The following MAPK10 variants were observed in gnomAD, a reference collection of about 807,000 sequenced individuals.
The protein encoded by MAPK10 is mitogen-activated protein kinase 10.
In MAPK10, 25 loss-of-function variants were observed where a neutral mutation model predicts 59.3. The observed-to-expected ratio is 0.42, with a 90% CI of 0.31 to 0.59. MAPK10 has a LOEUF of 0.59. Among genes scored for constraint, MAPK10 ranks in the 20% least tolerant of loss-of-function variants. The pLI, the probability that MAPK10 is intolerant of heterozygous loss-of-function variation, is 0.15. For synonymous variants in MAPK10, 190 were observed against 200.5 expected (o/e 0.95, Z 0.44); for missense variants, 351 against 568.9 (o/e 0.62, Z 3.90).
chr4:86,519,494 C>G (rs937964365), intron 1 of MAPK10, among the ~76,000 whole-genome samples: 4 of 152,086 alleles, frequency 2.6e-5, no homozygotes, highest in African/African-American at 9.7e-5. Flanking sequence ...ACCCCTTTAC[C>G]TTAAGTTTAT....
At chr4:86,537,627 G>T (rs925890129) in intron 1 of MAPK10, among the ~76,000 whole-genome samples, 3 of 152,150 alleles carry the variant, frequency 2.0e-5, no homozygotes, top group African/African-American at 4.8e-5. Context: ...ACCTCCCTGA[G>T]AAATATTTTT....
intron 2 of MAPK10, among the ~76,000 whole-genome samples, chr4:86,270,369 A>G (rs986509711): frequency 6.7e-6 from 1 of 150,356 alleles, no homozygotes; most frequent in Admixed American, 6.6e-5. Flanking sequence ...ATGAAAAAAA[A>G]TGTGTGCTAT....
intron 1 of MAPK10, among the ~76,000 whole-genome samples, chr4:86,397,477 C>T (rs1743096606): frequency 6.6e-6 from 1 of 152,080 alleles, no homozygotes; most frequent in Admixed American, 6.6e-5. Context: ...TACTTTAAGA[C>T]AGATGGTTAA....
intron 9 of MAPK10, among the ~76,000 whole-genome samples, chr4:86,070,777 A>C (rs1005947148): frequency 6.6e-6 from 1 of 151,310 alleles, no homozygotes; most frequent in Non-Finnish European, 1.5e-5. Flanking sequence ...ACATTTTCTT[A>C]ATCCAGTCTA....
intron 11 of MAPK10, among the ~76,000 whole-genome samples, chr4:86,041,871 G>A (rs1485976997): frequency 6.6e-6 from 1 of 152,198 alleles, no homozygotes; most frequent in African/African-American, 2.4e-5. Context: ...GTTGCTGGGA[G>A]TGTAAATTAG....
At chr4:86,206,018 T>C (rs2083783401) in intron 2 of MAPK10, among the ~76,000 whole-genome samples, 1 of 152,140 alleles carries the variant, frequency 6.6e-6, no homozygotes, top group Non-Finnish European at 1.5e-5. Context: ...TGTTCTCCAC[T>C]GAAGACAACA....
chr4:86,123,865 T>C (rs1337236193), intron 4 of MAPK10: 1 of 152,068 alleles, frequency 6.6e-6, no homozygotes, highest in Admixed American at 6.6e-5. Context: ...GTTAATGTGC[T>C]GCCTCTACTA....
At chr4:86,272,663 A>C (rs1205957275) in intron 2 of MAPK10, among the ~76,000 whole-genome samples, 1 of 151,888 alleles carries the variant, frequency 6.6e-6, no homozygotes, top group Non-Finnish European at 1.5e-5. Context: ...GCTTAATGTA[A>C]CTCTTGTCTG....
chr4:86,231,953 G>C (rs11097102), intron 2 of MAPK10, among the ~76,000 whole-genome samples: 49,959 of 152,068 alleles, frequency 0.33, 11,157 homozygotes, highest in African/African-American at 0.64. Flanking sequence ...AAATCAAGTA[G>C]CCTTATATTA....
chr4:86,553,891 A>ATT (rs55953008), intron 1 of MAPK10, among the ~76,000 whole-genome samples: 41 of 146,632 alleles, frequency 2.8e-4, no homozygotes, highest in Middle Eastern at 3.5e-3. Context: ...CCACTTCTTA[A>ATT]TTTTTTTTTT....
At chr4:86,536,154 G>A (rs1194377440) in intron 1 of MAPK10, among the ~76,000 whole-genome samples, 2 of 152,186 alleles carry the variant, frequency 1.3e-5, no homozygotes, top group Non-Finnish European at 2.9e-5. Context: ...ATAATTTAGT[G>A]TTGCATAGAA....
At chr4:86,415,020 C>T (rs889887096) in intron 1 of MAPK10, among the ~76,000 whole-genome samples, 1 of 151,790 alleles carries the variant, frequency 6.6e-6, no homozygotes, top group Non-Finnish European at 1.5e-5. Context: ...TTCCTGTACC[C>T]CCAGCTACTC....
intron 4 of MAPK10, among the ~76,000 whole-genome samples, chr4:86,141,091 C>T (rs528636942): frequency 6.6e-6 from 1 of 152,144 alleles, no homozygotes; most frequent in African/African-American, 2.4e-5. Flanking sequence ...ATACAATTAA[C>T]TTGTTCAAAG....
At chr4:86,185,307 T>A (rs1018618632) in intron 3 of MAPK10, among the ~76,000 whole-genome samples, 1 of 152,134 alleles carries the variant, frequency 6.6e-6, no homozygotes, top group Non-Finnish European at 1.5e-5. Flanking sequence ...AGTCAGGTAG[T>A]TAGGACTATT....
intron 1 of MAPK10, among the ~76,000 whole-genome samples, chr4:86,426,106 A>T (rs1747249536): frequency 6.6e-6 from 1 of 152,210 alleles, no homozygotes; most frequent in South Asian, 2.1e-4. Context: ...TTTCATCTGA[A>T]GAAACTAATT....
intron 4 of MAPK10, chr4:86,119,646 G>A (rs1379451307): frequency 6.6e-6 from 1 of 151,326 alleles, no homozygotes; most frequent in Non-Finnish European, 1.5e-5. Flanking sequence ...CAAGGGCAAT[G>A]GTGTAGGTGC....
intron 5 of MAPK10, 23 bp downstream of exon 5, chr4:86,107,200 A>G: frequency 6.3e-7 from 1 of 1,595,796 alleles, no homozygotes; most frequent in Non-Finnish European, 8.6e-7. Context: ...CACTGCCAGA[A>G]GTTTAAAAAT....
chr4:86,276,017 ATAAG>A (rs2094565767), intron 2 of MAPK10, among the ~76,000 whole-genome samples: 1 of 152,126 alleles, frequency 6.6e-6, no homozygotes, highest in African/African-American at 2.4e-5. Flanking sequence ...AAGTTGTTTA[ATAAG>A]TATTGTAACA....
chr4:86,066,111 T>A lies in MAPK10; in HGVS notation c.985+1662A>T, dbSNP rs560971400. The stretch of plus-strand genomic sequence containing the variant: ...TGTAAGTATTTTCTTGGTAATTACA[T>A]CAATAAATATATCTTTTAATTTTCT... On this transcript the variant is annotated intron_variant, in intron 10 of 13. Coordinates refer to ENST00000641462, the MANE Select transcript of MAPK10 (RefSeq NM_138982.4). Among the ~76,000 whole-genome samples, 514 of 152,260 alleles carry A rather than the reference T, an allele frequency of 3.4e-3. 1 individual carries two copies. Among genetic ancestry groups the A allele is most frequent in the Non-Finnish European group, 4.8e-3 (329 of 67,996 alleles).
Sources: allele counts gnomAD v4.1 joint callset (sites outside exome capture counted in the v4.1 genomes callset), GRCh38; gene constraint gnomAD v4.1.1; transcripts MANE v1.5; gene names NCBI Gene and HGNC (gene_info 2026-07-23, HGNC 2026-07-21).